DLC1: variants seen among roughly 807,000 people sequenced by gnomAD.
DLC1 encodes the protein rho GTPase-activating protein 7.
DLC1 carries 54 observed loss-of-function variants against 140.3 expected under a neutral mutation model. The ratio of observed to expected loss-of-function variants is 0.38; its 90% CI spans 0.31 to 0.48. DLC1 has a LOEUF of 0.48. Among genes scored for constraint, DLC1 ranks in the 20% least tolerant of loss-of-function variants. The pLI is 0.96. For missense variants in DLC1, 2,536 were observed against 1,907.0 expected (o/e 1.33, Z -6.14); for synonymous variants, 986 against 728.1 (o/e 1.35, Z -5.70).
chr8:13,452,275 C>A (rs1799101103), intron 2 of DLC1, among the ~76,000 whole-genome samples: 1 of 151,900 alleles, frequency 6.6e-6, no homozygotes, highest in Non-Finnish European at 1.5e-5. Context: ...GAATTGTACT[C>A]AATCAGCTTA....
intron 2 of DLC1, among the ~76,000 whole-genome samples, chr8:13,486,474 T>C (rs979719850): frequency 1.3e-5 from 2 of 152,174 alleles, no homozygotes; most frequent in Admixed American, 6.5e-5. Flanking sequence ...TCTGATTACT[T>C]TTAAATTATA....
intron 5 of DLC1, among the ~76,000 whole-genome samples, chr8:13,196,172 G>C (rs997676407): frequency 6.6e-6 from 1 of 151,528 alleles, no homozygotes; most frequent in South Asian, 2.1e-4. Flanking sequence ...GGTTATCTCT[G>C]ATTAGGGGAA....
At chr8:13,366,427 T>C (rs1195108345) in intron 4 of DLC1, among the ~76,000 whole-genome samples, 1 of 152,120 alleles carries the variant, frequency 6.6e-6, no homozygotes, top group Non-Finnish European at 1.5e-5. Context: ...TGTGGGCACA[T>C]GGTAGGTGTG....
rs928912226 is a variant in DLC1, at chr8:13,477,317, G to A, written c.1023+21732C>T. Among the ~76,000 whole-genome samples the A allele has an allele frequency of 8.5e-5, 13 of 152,278 alleles. No individual in the cohort carries two copies. The East Asian group carries it at 2.3e-3, about 27-fold the overall frequency. ...CTTTGGTAATTTAAAGAAAGTGGAA[G>A]ACACAGAAACAGTTACGCGGTAAGT... On this transcript the variant is annotated intron_variant, in intron 2 of 17. Coordinates refer to ENST00000276297, the MANE Select transcript of DLC1 (RefSeq NM_182643.3).
chr8:13,196,011 A>G (rs894703918), intron 5 of DLC1, among the ~76,000 whole-genome samples: 8 of 152,168 alleles, frequency 5.3e-5, no homozygotes, highest in Non-Finnish European at 1.2e-4. Context: ...GGATCATTCT[A>G]GAATAGTAAG....
intron 1 of DLC1, among the ~76,000 whole-genome samples, chr8:13,531,146 G>T (rs1803084614): frequency 6.6e-6 from 1 of 152,146 alleles, no homozygotes; most frequent in South Asian, 2.1e-4. Context: ...GAACTGAATT[G>T]CTCACCATCT....
intron 2 of DLC1, among the ~76,000 whole-genome samples, chr8:13,464,861 C>T (rs938298385): frequency 4.7e-5 from 7 of 150,262 alleles, no homozygotes; most frequent in African/African-American, 1.7e-4. Flanking sequence ...TGGAAACTCA[C>T]CCCATTACTG....
chr8:13,553,583 C>T lies in DLC1; in HGVS notation c.-126+50954G>A, dbSNP rs1321863005. Among the ~76,000 whole-genome samples the T allele has an allele frequency of 3.3e-5, 5 of 151,934 alleles. No individual in the cohort carries two copies. In the South Asian group the frequency reaches 6.2e-4, roughly 19 times the overall value. ...CTCAAGCTGGTCTCAAACTCCTGGG[C>T]TCTGACAGTCCTCTCACCTTCAGCC... On this transcript the variant is annotated intron_variant, in intron 1 of 1. Transcript: ENST00000631382.
At chr8:13,559,114 A>T (rs1270139110) in intron 1 of DLC1, 1 of 152,242 alleles carries the variant, frequency 6.6e-6, no homozygotes, top group Non-Finnish European at 1.5e-5. Context: ...GTGAGATTTC[A>T]GTGGCATAAT....
Position 13,308,563 on chromosome 8 carries a change from G to C in DLC1, c.1315-3261C>G, listed in dbSNP as rs1338655500. On this transcript the variant is annotated intron_variant, in intron 4 of 17. Coordinates refer to ENST00000276297, the MANE Select transcript of DLC1 (RefSeq NM_182643.3). The stretch of plus-strand genomic sequence containing the variant: ...AAACAATTGAAAAATGCTGACACTT[G>C]CTCTACCGTTAGTTAAAGCGGATTG... Among the ~76,000 whole-genome samples the C allele has an allele frequency of 3.9e-5, 6 of 152,196 alleles. 2 individuals are homozygous for C. In the South Asian group the frequency reaches 8.3e-4, roughly 21 times the overall value.
At chr8:13,445,873 C>G (rs993831728) in intron 2 of DLC1, among the ~76,000 whole-genome samples, 7 of 151,996 alleles carry the variant, frequency 4.6e-5, no homozygotes, top group African/African-American at 1.7e-4. Context: ...TTGAGAGATA[C>G]AAAGAAATAG....
At chr8:13,472,835 C>G (rs1800271269) in intron 2 of DLC1, among the ~76,000 whole-genome samples, 1 of 152,130 alleles carries the variant, frequency 6.6e-6, no homozygotes, top group Non-Finnish European at 1.5e-5. Context: ...AAGTATATAG[C>G]CATTATAAAT....
At chr8:13,470,717 G>A (rs1800165934) in intron 2 of DLC1, among the ~76,000 whole-genome samples, 1 of 152,140 alleles carries the variant, frequency 6.6e-6, no homozygotes, top group Non-Finnish European at 1.5e-5. Context: ...AAAACAGTAT[G>A]GAGGTCCTAA....
rs950042361 is a variant in DLC1, at chr8:13,088,469, C to A, written c.4292+18G>T. On this transcript the variant is annotated intron_variant, in intron 16 of 17. Coordinates refer to ENST00000276297, the MANE Select transcript of DLC1 (RefSeq NM_182643.3). Reference sequence around the variant, plus strand: ...TGGAGTCATCCTTGTCACAAAAAAACAACTGGGAAGCGCTCACCTTAAAAC... The same window carrying A: ...TGGAGTCATCCTTGTCACAAAAAAAAAACTGGGAAGCGCTCACCTTAAAAC... 2 of 1,613,548 alleles carry A rather than the reference C, an allele frequency of 1.2e-6. No homozygotes were observed. The highest frequency in any genetic ancestry group is 1.7e-6 in the Non-Finnish European group (2 of 1,179,642).
intron 1 of DLC1, among the ~76,000 whole-genome samples, chr8:13,545,844 G>T (rs1040981592): frequency 6.6e-6 from 1 of 152,038 alleles, no homozygotes; most frequent in Non-Finnish European, 1.5e-5. Flanking sequence ...TAAAGAATTT[G>T]GAATCCAATG....
chr8:13,415,136 A>G (rs1376982249), intron 2 of DLC1, among the ~76,000 whole-genome samples: 1 of 151,938 alleles, frequency 6.6e-6, no homozygotes, highest in African/African-American at 2.4e-5. Context: ...TTTTTAAGTC[A>G]GTGGCAACTA....
intron 1 of DLC1, among the ~76,000 whole-genome samples, chr8:13,603,308 G>A (rs12548088): frequency 0.08 from 12,175 of 151,458 alleles, 751 homozygotes; most frequent in Admixed American, 0.18. Context: ...CATTCATTAC[G>A]AGTCTTGGTA....
chr8:13,553,215 T>TATAG (rs1803924395), intron 1 of DLC1, among the ~76,000 whole-genome samples: 1 of 65,498 alleles, frequency 1.5e-5, no homozygotes, highest in Non-Finnish European at 3.1e-5. Context: ...TATATATATA[T>TATAG]ATATATATAT....
At chr8:13,316,793 C>T (rs1300320328) in intron 4 of DLC1, among the ~76,000 whole-genome samples, 1 of 152,190 alleles carries the variant, frequency 6.6e-6, no homozygotes, top group African/African-American at 2.4e-5. Flanking sequence ...TCAGCCACTA[C>T]TAACCCCCAA....
Sources: gnomAD v4.1 joint callset for allele counts (sites outside exome capture counted in the v4.1 genomes callset) on GRCh38, gnomAD v4.1.1 for gene constraint, MANE v1.5 for transcripts, NCBI Gene and HGNC (gene_info 2026-07-23, HGNC 2026-07-21) for gene names.